REPS1: variants seen among roughly 807,000 people sequenced by gnomAD.
REPS1 encodes the protein RALBP1 associated Eps domain containing 1.
REPS1 carries 39 observed loss-of-function variants against 100.9 expected under a neutral mutation model. The ratio of observed to expected loss-of-function variants is 0.39; its 90% CI spans 0.30 to 0.50. REPS1 has a LOEUF of 0.50. Ranked by LOEUF, REPS1 falls within the 20% of genes least tolerant of loss-of-function variation. The pLI, the probability that REPS1 is intolerant of heterozygous loss-of-function variation, is 0.86. For synonymous variants in REPS1, 324 were observed against 340.3 expected (o/e 0.95, Z 0.53); for missense variants, 821 against 968.5 (o/e 0.85, Z 2.02).
At chr6:138,930,697 A>G (rs78559162) in intron 8 of REPS1, among the ~76,000 whole-genome samples, 3,226 of 152,202 alleles carry the variant, frequency 0.021, 105 homozygotes, top group African/African-American at 0.073. Context: ...TCACTCATAT[A>G]TCCTCTACAA....
chr6:138,978,491 T>TTA (rs1554297993), intron 1 of REPS1, among the ~76,000 whole-genome samples: 2 of 151,176 alleles, frequency 1.3e-5, no homozygotes, highest in African/African-American at 4.9e-5. Flanking sequence ...CTTTTTTTTT[T>TTA]ACAGGCAGGG....
At position 138,987,896 on chromosome 6, in the gene REPS1, G is replaced by A. The variant is rs1417317580; in HGVS notation, c.-214C>T. 1.2e-5 allele frequency: 5 copies of A among 422,206 alleles called. No homozygotes were observed. The highest frequency in any genetic ancestry group is 2.0e-5 in the Non-Finnish European group (5 of 256,398). 26.2% of individuals were successfully genotyped at this position (422,206 alleles called of 1,614,324 possible). A position where few individuals can be genotyped will look rare whatever the true frequency, so the allele number is the denominator to read the frequency against. ...CTGCGCTCGCCGCGCCGCTGCCTGC[G>A]AGGCCCGGCGCGCGGCTGCGGCTGC... On this transcript the variant is annotated 5_prime_UTR_variant, in exon 1 of 20. Coordinates refer to ENST00000450536, the MANE Select transcript of REPS1 (RefSeq NM_001286611.2).
intron 1 of REPS1, among the ~76,000 whole-genome samples, chr6:138,974,026 C>G (rs1476473488): frequency 2.6e-5 from 4 of 152,106 alleles, no homozygotes; most frequent in African/African-American, 4.8e-5. Flanking sequence ...GGACAGGAAC[C>G]ATGTCTCCTT....
chr6:138,964,377 G>C (rs1426388504), intron 1 of REPS1, among the ~76,000 whole-genome samples: 1 of 152,032 alleles, frequency 6.6e-6, no homozygotes, highest in Non-Finnish European at 1.5e-5. Flanking sequence ...TTGACGTAAT[G>C]ATGTCCATTA....
chr6:138,956,942 T>C (rs1289441311), intron 1 of REPS1, among the ~76,000 whole-genome samples: 2 of 151,840 alleles, frequency 1.3e-5, no homozygotes, highest in Non-Finnish European at 2.9e-5. Flanking sequence ...GAGAACAAGA[T>C]ATCTTGAAAT....
At chr6:138,925,535 T>C (rs1329783477) in intron 10 of REPS1, among the ~76,000 whole-genome samples, 1 of 152,168 alleles carries the variant, frequency 6.6e-6, no homozygotes, top group Non-Finnish European at 1.5e-5. Context: ...AAGAACGACT[T>C]ATGTCATTTT....
chr6:138,913,688 T>C (rs1231659539), intron 15 of REPS1, among the ~76,000 whole-genome samples: 1 of 152,228 alleles, frequency 6.6e-6, no homozygotes, highest in East Asian at 1.9e-4. Context: ...AGAAAAAGTC[T>C]ATCCTTCTTA....
intron 1 of REPS1, among the ~76,000 whole-genome samples, chr6:138,961,354 A>G (rs867209794): frequency 2.0e-5 from 3 of 152,164 alleles, no homozygotes; most frequent in Non-Finnish European, 4.4e-5. Flanking sequence ...CTCCCGCCTC[A>G]GCCTCCCTAG....
intron 17 of REPS1, 110 bp downstream of exon 17, chr6:138,911,165 GT>G (rs1779978718): frequency 1.4e-6 from 1 of 712,716 alleles, no homozygotes; most frequent in African/African-American, 1.8e-5. Flanking sequence ...CTATACTACA[GT>G]TAAAGGCAGA....
intron 10 of REPS1, among the ~76,000 whole-genome samples, chr6:138,925,013 A>G (rs1340954026): frequency 2.0e-5 from 3 of 152,190 alleles, no homozygotes; most frequent in East Asian, 3.8e-4. Flanking sequence ...AATAAATGTA[A>G]CAGCAGCCTC....
chr6:138,978,509 T>C (rs1784732024), intron 1 of REPS1, among the ~76,000 whole-genome samples: 1 of 151,460 alleles, frequency 6.6e-6, no homozygotes, highest in African/African-American at 2.4e-5. Flanking sequence ...GGGGTCTCCC[T>C]ATGTTGCCCA....
At chr6:138,968,629 T>A (rs1202731369) in intron 1 of REPS1, among the ~76,000 whole-genome samples, 1 of 152,252 alleles carries the variant, frequency 6.6e-6, no homozygotes, top group Admixed American at 6.5e-5. Context: ...AATGAGACAC[T>A]TTTTTAAAGT....
intron 7 of REPS1, 81 bp downstream of exon 7, chr6:138,943,432 T>G: frequency 1.2e-6 from 1 of 826,070 alleles, no homozygotes; most frequent in Middle Eastern, 2.3e-4. Flanking sequence ...TAGTTGTTTA[T>G]TTTTTAAGGC....
rs757731999 is a variant in REPS1, at chr6:138,945,392, T to A, written c.475-20A>T. On this transcript the variant is annotated intron_variant, in intron 3 of 19. Coordinates refer to ENST00000450536, the MANE Select transcript of REPS1 (RefSeq NM_001286611.2). ...AGGTTCCTAGAAAAGAATATTATTT[T>A]AAAATTTTAACTTTAAGGAGACATT... 22 of 1,592,040 alleles carry A rather than the reference T, an allele frequency of 1.4e-5. No individual in the cohort carries two copies. The highest frequency in any genetic ancestry group is 1.8e-5 in the Non-Finnish European group (21 of 1,172,746).
chr6:138,950,408 G>A (rs1038108692), intron 1 of REPS1, among the ~76,000 whole-genome samples: 1 of 152,258 alleles, frequency 6.6e-6, no homozygotes, highest in East Asian at 1.9e-4. Context: ...TTTTGCCTAG[G>A]AGTTCAAGGC....
intron 8 of REPS1, among the ~76,000 whole-genome samples, chr6:138,939,591 ACTT>A (rs1390360432): frequency 6.6e-6 from 1 of 152,244 alleles, no homozygotes; most frequent in Non-Finnish European, 1.5e-5. Context: ...AAGAGATTAA[ACTT>A]CATTTAAATT....
At chr6:138,928,305 T>C (rs1223343384) in intron 9 of REPS1, 1 of 152,190 alleles carries the variant, frequency 6.6e-6, no homozygotes, top group Admixed American at 6.5e-5. Context: ...TAGAGATTAT[T>C]AGGGTCATCT....
intron 1 of REPS1, among the ~76,000 whole-genome samples, chr6:138,965,379 C>CAAAT (rs1209336627): frequency 2.0e-5 from 3 of 149,314 alleles, no homozygotes; most frequent in Non-Finnish European, 4.5e-5. Context: ...AAAAAAAAAA[C>CAAAT]AAATAAGATT....
At chr6:138,924,801 C>T (rs1371614945) in intron 10 of REPS1, among the ~76,000 whole-genome samples, 1 of 152,144 alleles carries the variant, frequency 6.6e-6, no homozygotes, top group Non-Finnish European at 1.5e-5. Context: ...TTAATTATAG[C>T]TGCCAATAAG....
Sources: gnomAD v4.1 joint callset for allele counts (sites outside exome capture counted in the v4.1 genomes callset) on GRCh38, gnomAD v4.1.1 for gene constraint, MANE v1.5 for transcripts, NCBI Gene and HGNC (gene_info 2026-07-23, HGNC 2026-07-21) for gene names.